Variants in TAFA2 observed in about 807,000 individuals in gnomAD.
TAFA2 encodes the protein TAFA chemokine like family member 2, also known as chemokine-like protein TAFA-2.
A neutral mutation model predicts 18.8 loss-of-function variants in TAFA2; 7 were observed. The observed-to-expected ratio is 0.37, with a 90% CI of 0.21 to 0.70. TAFA2 has a LOEUF of 0.70. Ranked by LOEUF, TAFA2 falls within the 30% of genes least tolerant of loss-of-function variation. TAFA2 has a pLI of 0.53. For synonymous variants in TAFA2, 60 were observed against 54.2 expected, an observed-to-expected ratio of 1.11 and a Z score of -0.47; for missense variants, 122 against 158.1, an observed-to-expected ratio of 0.77 and a Z score of 1.23.
At chr12:61,952,437 C>A (rs961564672) in intron 1 of TAFA2, among the ~76,000 whole-genome samples, 39 of 151,838 alleles carry the variant, frequency 2.6e-4, no homozygotes, top group African/African-American at 9.2e-4. Flanking sequence ...TATTTTTATT[C>A]CCTGTTCTTG....
intron 4 of TAFA2, among the ~76,000 whole-genome samples, chr12:61,727,025 C>A (rs373144511): frequency 6.6e-6 from 1 of 151,840 alleles, no homozygotes. Flanking sequence ...TGTGATGTAT[C>A]ACATTTATTG....
chr12:62,076,617 C>T (rs187234250), intron 1 of TAFA2, among the ~76,000 whole-genome samples: 1 of 152,248 alleles, frequency 6.6e-6, no homozygotes, highest in African/African-American at 2.4e-5. Context: ...AAGAACCTTC[C>T]AGGAGCATTC....
intron 1 of TAFA2, among the ~76,000 whole-genome samples, chr12:62,186,705 G>C (rs2062588072): frequency 6.6e-6 from 1 of 152,142 alleles, no homozygotes; most frequent in South Asian, 2.1e-4. Flanking sequence ...GGAGATTGAA[G>C]GAAGTGATTA....
chr12:61,904,259 G>C (rs1876241387), intron 1 of TAFA2, among the ~76,000 whole-genome samples: 1 of 152,000 alleles, frequency 6.6e-6, no homozygotes, highest in Non-Finnish European at 1.5e-5. Context: ...ACAATCTCCA[G>C]TATGGAATCT....
intron 1 of TAFA2, among the ~76,000 whole-genome samples, chr12:62,190,863 A>G (rs1314716027): frequency 6.6e-6 from 1 of 152,104 alleles, no homozygotes; most frequent in African/African-American, 2.4e-5. Context: ...CCAACTCCTT[A>G]TTAAGAGTCC....
At chr12:61,729,516 G>T (rs935015642) in intron 4 of TAFA2, among the ~76,000 whole-genome samples, 1 of 151,852 alleles carries the variant, frequency 6.6e-6, no homozygotes, top group African/African-American at 2.4e-5. Flanking sequence ...TTCTATTGTT[G>T]ATACTTTCCA....
chr12:62,171,688 TGAAC>T (rs2062479055), intron 1 of TAFA2, among the ~76,000 whole-genome samples: 1 of 152,198 alleles, frequency 6.6e-6, no homozygotes, highest in Non-Finnish European at 1.5e-5. Context: ...GCCTTGATCT[TGAAC>T]TTCCCAGCGT....
At chr12:62,195,537 C>G (rs978784375), upstream of TAFA2, among the ~76,000 whole-genome samples, 6 of 152,172 alleles carry the variant, frequency 3.9e-5, no homozygotes, top group African/African-American at 9.7e-5. Flanking sequence ...GGCTGCAGAA[C>G]AGATGTTGTG....
chr12:62,107,621 A>G (rs1282915999), intron 1 of TAFA2, among the ~76,000 whole-genome samples: 1 of 152,186 alleles, frequency 6.6e-6, no homozygotes, highest in Admixed American at 6.5e-5. Flanking sequence ...GAAATAGAAG[A>G]TCTGGAAGAA....
At position 62,156,327 on chromosome 12, in the gene TAFA2, A is replaced by T. The variant is rs1294749597; in HGVS notation, c.-2+34932T>A. ...TTGGTATGGATGCCGTGATCAGTGAACACTGCCACACTGCTGGTGGGAATG... is the reference window on the plus strand; with the variant it reads ...TTGGTATGGATGCCGTGATCAGTGATCACTGCCACACTGCTGGTGGGAATG... On this transcript the variant is annotated intron_variant, in intron 1 of 4. Transcript: ENST00000416284. 2.0e-5 allele frequency among the ~76,000 whole-genome samples: 3 copies of T among 152,322 alleles called. No homozygotes were observed. The South Asian group carries it at 6.2e-4, about 32-fold the overall frequency.
At chr12:61,838,591 G>T (rs1873036094) in intron 2 of TAFA2, among the ~76,000 whole-genome samples, 3 of 151,914 alleles carry the variant, frequency 2.0e-5, no homozygotes, top group Admixed American at 2.0e-4. Context: ...ACAGGATTTG[G>T]GATTTAGCCT....
At chr12:61,839,032 A>C (rs1187633374) in intron 2 of TAFA2, among the ~76,000 whole-genome samples, 1 of 152,072 alleles carries the variant, frequency 6.6e-6, no homozygotes, top group Non-Finnish European at 1.5e-5. Flanking sequence ...ACATGAATAG[A>C]AAGTGCGCAA....
chr12:62,133,133 A>C (rs184747468), intron 1 of TAFA2, among the ~76,000 whole-genome samples: 28 of 152,058 alleles, frequency 1.8e-4, no homozygotes, highest in Non-Finnish European at 2.5e-4. Flanking sequence ...CATTGTCACA[A>C]CCCAATATTT....
At chr12:62,225,103 T>G (rs892474378) in intron 1 of TAFA2, among the ~76,000 whole-genome samples, 2 of 151,046 alleles carry the variant, frequency 1.3e-5, no homozygotes, top group African/African-American at 4.9e-5. Flanking sequence ...CATAAAAAAA[T>G]TTAAAAAAAA....
intron 1 of TAFA2, among the ~76,000 whole-genome samples, chr12:61,927,011 G>T (rs1264825958): frequency 2.0e-5 from 3 of 148,472 alleles, no homozygotes; most frequent in African/African-American, 7.5e-5. Context: ...GGGGGCGGAG[G>T]TTGCAGTAAG....
At chr12:61,832,977 T>C (rs567343180) in intron 2 of TAFA2, among the ~76,000 whole-genome samples, 18 of 149,782 alleles carry the variant, frequency 1.2e-4, no homozygotes, top group South Asian at 4.2e-4. Context: ...CAATGTGTCA[T>C]TGTAGGGACT....
rs556112393 is a variant in TAFA2 at position 61,904,760 on chromosome 12, G to A, written c.-1-37334C>T. ...TAGACTCATTCCCTTTCCCTCATTC[G>A]GTCCCACTGGAAAAAAATCATACTC... On this transcript the variant is annotated intron_variant, in intron 1 of 4. Coordinates refer to ENST00000416284, the MANE Select transcript of TAFA2 (RefSeq NM_178539.5). 3.3e-5 allele frequency among the ~76,000 whole-genome samples: 5 copies of A among 152,126 alleles called. No individual in the cohort carries two copies. In the South Asian group the frequency reaches 8.3e-4, roughly 25 times the overall value.
intron 1 of TAFA2, among the ~76,000 whole-genome samples, chr12:62,126,058 A>T (rs997077356): frequency 1.3e-5 from 2 of 152,122 alleles, no homozygotes; most frequent in Admixed American, 6.6e-5. Flanking sequence ...TTTGAAAACC[A>T]GTTGTCTTAG....
At chr12:62,149,006 T>A (rs1305230986) in intron 1 of TAFA2, among the ~76,000 whole-genome samples, 1 of 152,224 alleles carries the variant, frequency 6.6e-6, no homozygotes, top group African/African-American at 2.4e-5. Context: ...GGAATTCTTT[T>A]CTAGGCCTTG....
Sources: gnomAD v4.1 joint callset for allele counts (sites outside exome capture counted in the v4.1 genomes callset) on GRCh38, gnomAD v4.1.1 for gene constraint, MANE v1.5 for transcripts, NCBI Gene and HGNC (gene_info 2026-07-23, HGNC 2026-07-21) for gene names.